The following DPYSL5 variants were observed in gnomAD, a reference collection of about 807,000 sequenced individuals.
DPYSL5 encodes dihydropyrimidinase-related protein 5.
A neutral mutation model predicts 58.4 loss-of-function variants in DPYSL5; 9 were observed. The observed-to-expected ratio is 0.15, with a 90% CI of 0.09 to 0.27. The LOEUF is 0.27. Ranked by LOEUF, DPYSL5 falls within the 10% of genes least tolerant of loss-of-function variation. The pLI, the probability that DPYSL5 is intolerant of heterozygous loss-of-function variation, is 1.00. For missense variants in DPYSL5, 499 were observed against 770.6 expected (o/e 0.65, Z 4.17); for synonymous variants, 293 against 301.9 (o/e 0.97, Z 0.31).
At chr2:26,915,260 C>G (rs1271160066) in intron 2 of DPYSL5, among the ~76,000 whole-genome samples, 1 of 152,162 alleles carries the variant, frequency 6.6e-6, no homozygotes, top group Non-Finnish European at 1.5e-5. Context: ...ACCCCATCCA[C>G]CCAAGCCAGG....
Position 26,898,869 on chromosome 2 carries a change from G to T in DPYSL5, c.261+109G>T, listed in dbSNP as rs186929768. The stretch of plus-strand genomic sequence containing the variant: ...AGCCAGGTGCTCCCAGTGTATTGCT[G>T]GCAGGAGAAGGGTGTGTCAGGGCCA... On this transcript the variant is annotated intron_variant, in intron 2 of 12. Transcript: ENST00000288699. This position sits in a 1 kb window ranked among gnomAD's most constrained non-coding sequence, Gnocchi z 6.1. 12 of 1,368,676 alleles carry T rather than the reference G, an allele frequency of 8.8e-6. No homozygotes were observed. 84.8% of individuals were successfully genotyped at this position (1,368,676 alleles called of 1,614,324 possible). A position where few individuals can be genotyped will look rare whatever the true frequency, so the allele number is the denominator to read the frequency against.
At chr2:26,904,543 G>A (rs1230234064) in intron 2 of DPYSL5, among the ~76,000 whole-genome samples, 3 of 152,082 alleles carry the variant, frequency 2.0e-5, no homozygotes, top group Admixed American at 6.6e-5. Flanking sequence ...CCATCCCTGC[G>A]AGAAGTTGGG....
intron 4 of DPYSL5, 125 bp from the exon 5 acceptor site, chr2:26,928,130 G>A: frequency 9.9e-7 from 1 of 1,014,072 alleles, no homozygotes; most frequent in Non-Finnish European, 1.5e-6. Context: ...CTGCAGAAGT[G>A]AGAAAAGAAG....
At chr2:26,872,710 T>G (rs1663297142) in intron 1 of DPYSL5, among the ~76,000 whole-genome samples, 1 of 151,896 alleles carries the variant, frequency 6.6e-6, no homozygotes, top group South Asian at 2.1e-4. Flanking sequence ...TAATAATATT[T>G]TCCCAGCTTT....
At chr2:26,874,284 A>C (rs1356057872) in intron 1 of DPYSL5, among the ~76,000 whole-genome samples, 1 of 152,214 alleles carries the variant, frequency 6.6e-6, no homozygotes, top group African/African-American at 2.4e-5. Context: ...TAAAAGTTTC[A>C]TTTAACAATT....
chr2:26,944,964 A>C lies in DPYSL5; in HGVS notation c.1609+140A>C. 2.4e-6 allele frequency: 2 copies of C among 819,756 alleles called. No homozygotes were observed. The highest frequency in any genetic ancestry group is 3.8e-6 in the Non-Finnish European group (2 of 530,490). 50.8% of individuals were successfully genotyped at this position (819,756 alleles called of 1,614,324 possible). A position where few individuals can be genotyped will look rare whatever the true frequency, so the allele number is the denominator to read the frequency against. On this transcript the variant is annotated intron_variant, in intron 12 of 12. Coordinates refer to ENST00000288699, the MANE Select transcript of DPYSL5 (RefSeq NM_020134.4). The surrounding 1 kb of genome is among the most constrained non-coding windows in gnomAD (Gnocchi z 4.4). ...TTTCCAGGGATGAGTGCTGGTTTGG[A>C]TATTAGACTCACATAGACATTAGTG...
rs985396793 is a variant in DPYSL5, at chr2:26,905,520, C to A, written c.261+6760C>A. On this transcript the variant is annotated intron_variant, in intron 2 of 12. Transcript: ENST00000288699. The surrounding 1 kb of genome is among the most constrained non-coding windows in gnomAD (Gnocchi z 4.0). ...TTGGCCAGCAGGCACCCTGGCAGGCCTTCTCTGGGAATCGGCCCTCACCTC... is the reference window on the plus strand; with the variant it reads ...TTGGCCAGCAGGCACCCTGGCAGGCATTCTCTGGGAATCGGCCCTCACCTC... 2.6e-5 allele frequency among the ~76,000 whole-genome samples: 4 copies of A among 152,190 alleles called. No homozygotes were observed. The highest frequency in any genetic ancestry group is 9.6e-5 in the African/African-American group (4 of 41,456).
At chr2:26,865,623 T>C (rs1189300628) in intron 1 of DPYSL5, among the ~76,000 whole-genome samples, 1 of 152,228 alleles carries the variant, frequency 6.6e-6, no homozygotes, top group Non-Finnish European at 1.5e-5. Flanking sequence ...TGTGTCCATT[T>C]TTAAATGCAT....
chr2:26,932,127 AAGAAAGAAAG>A (rs1352575105), intron 6 of DPYSL5, among the ~76,000 whole-genome samples: 4 of 140,524 alleles, frequency 2.8e-5, no homozygotes, highest in African/African-American at 8.9e-5. Flanking sequence ...AAGAAAGAGA[AAGAAAGAAAG>A]AGAAAGAAAG....
chr2:26,917,981 C>CA (rs1186711210), intron 2 of DPYSL5, among the ~76,000 whole-genome samples: 1 of 151,664 alleles, frequency 6.6e-6, no homozygotes, highest in African/African-American at 2.4e-5. Flanking sequence ...ACTAAAAATA[C>CA]AAAAAATAAG....
At chr2:26,910,190 A>G (rs1192204978) in intron 2 of DPYSL5, among the ~76,000 whole-genome samples, 2 of 152,220 alleles carry the variant, frequency 1.3e-5, no homozygotes, top group Non-Finnish European at 2.9e-5. Context: ...GCTACTGTGA[A>G]CATTCATATA....
In DPYSL5 at chr2:26,944,506, T is replaced by C. The variant is rs927285013; in HGVS notation, c.1441-150T>C. 5 of 852,238 alleles carry C rather than the reference T, an allele frequency of 5.9e-6. No homozygotes were observed. The highest frequency in any genetic ancestry group is 9.0e-6 in the Non-Finnish European group (5 of 553,392). The allele number at this position is 852,238 out of a possible 1,614,324, so 52.8% of individuals were successfully genotyped here. On this transcript the variant is annotated intron_variant, in intron 11 of 12. Coordinates refer to ENST00000288699, the MANE Select transcript of DPYSL5 (RefSeq NM_020134.4). The surrounding 1 kb of genome is among the most constrained non-coding windows in gnomAD (Gnocchi z 4.4). ...AAAACTCCAGCCCCTGGACTCAATG[T>C]TTAAGAAGCCTTGGTCACTTGCAGT...
chr2:26,853,364 C>T (rs1477751372), intron 1 of DPYSL5, among the ~76,000 whole-genome samples: 5 of 152,274 alleles, frequency 3.3e-5, no homozygotes, highest in African/African-American at 1.2e-4. Context: ...TTTTGTGCAA[C>T]TTGGAACCAC....
At chr2:26,937,409 A>G (rs1665207686) in intron 8 of DPYSL5, among the ~76,000 whole-genome samples, 1 of 152,106 alleles carries the variant, frequency 6.6e-6, no homozygotes, top group African/African-American at 2.4e-5. Context: ...TATTTATAGA[A>G]ATTTATGATG....
In DPYSL5 at chr2:26,891,973, T is replaced by TA. The variant is rs892109499; in HGVS notation, c.-4-6516dup. ...CAGGCATGAGCCACTGAGCCTGGCC[T>TA]AAAAAAAGGCTTTTGAACATATATT... On this transcript the variant is annotated intron_variant, in intron 1 of 12. Coordinates refer to ENST00000288699, the MANE Select transcript of DPYSL5 (RefSeq NM_020134.4). 3.3e-5 allele frequency among the ~76,000 whole-genome samples: 5 copies of TA among 152,110 alleles called. No individual in the cohort carries two copies. In the East Asian group the frequency reaches 5.8e-4, roughly 18 times the overall value.
chr2:26,919,970 A>G (rs1664663688), intron 2 of DPYSL5, among the ~76,000 whole-genome samples: 1 of 152,250 alleles, frequency 6.6e-6, no homozygotes, highest in Non-Finnish European at 1.5e-5. Flanking sequence ...TGAGTACATG[A>G]AAGCAAGTTG....
intron 5 of DPYSL5, among the ~76,000 whole-genome samples, chr2:26,929,216 A>G (rs1664910765): frequency 1.3e-5 from 2 of 152,044 alleles, no homozygotes; most frequent in Non-Finnish European, 2.9e-5. Flanking sequence ...CTGAGGTGGA[A>G]CAGTTTCTTT....
intron 1 of DPYSL5, among the ~76,000 whole-genome samples, chr2:26,878,710 C>T (rs1663475208): frequency 6.6e-6 from 1 of 152,216 alleles, no homozygotes; most frequent in South Asian, 2.1e-4. Flanking sequence ...AGCATCTTGT[C>T]CATACTCTTG....
At chr2:26,917,017 G>A (rs527717949) in intron 2 of DPYSL5, among the ~76,000 whole-genome samples, 17 of 152,330 alleles carry the variant, frequency 1.1e-4, no homozygotes, top group Middle Eastern at 6.8e-3. Flanking sequence ...ACTGGGCTAG[G>A]TGCCTTATAT....
Sources: allele counts gnomAD v4.1 joint callset (sites outside exome capture counted in the v4.1 genomes callset), GRCh38; gene constraint gnomAD v4.1.1; non-coding constraint Gnocchi (gnomAD v3.1); transcripts MANE v1.5; gene names NCBI Gene and HGNC (gene_info 2026-07-23, HGNC 2026-07-21).